Variants in NTRK2 observed in about 807,000 individuals in gnomAD.
NTRK2 encodes BDNF/NT-3 growth factors receptor.
NTRK2 carries 13 observed loss-of-function variants against 94.5 expected under a neutral mutation model. That is an observed-to-expected ratio of 0.14 (90% CI 0.09 to 0.22). The LOEUF is 0.22. NTRK2 is among the 10% of genes least tolerant of loss of function. The pLI is 1.00. For synonymous variants in NTRK2, 372 were observed against 407.4 expected (o/e 0.91, Z 1.05); for missense variants, 639 against 1,071.2 (o/e 0.60, Z 5.63).
At chr9:84,966,650 C>G (rs1274982930) in intron 17 of NTRK2, among the ~76,000 whole-genome samples, 2 of 152,092 alleles carry the variant, frequency 1.3e-5, no homozygotes, top group Non-Finnish European at 2.9e-5. Flanking sequence ...CCAGGCTGGT[C>G]TCGAACTCCT....
chr9:85,011,932 C>T (rs1276029817), intron 17 of NTRK2, among the ~76,000 whole-genome samples: 1 of 133,184 alleles, frequency 7.5e-6, no homozygotes. Flanking sequence ...CCCCACAGGA[C>T]TAGTGGAGAA....
intron 15 of NTRK2, among the ~76,000 whole-genome samples, chr9:84,936,858 G>C (rs976265403): frequency 3.3e-5 from 5 of 151,696 alleles, no homozygotes; most frequent in African/African-American, 1.2e-4. Flanking sequence ...CCTTACATGT[G>C]AATTTTTTTT....
intron 8 of NTRK2, among the ~76,000 whole-genome samples, chr9:84,725,206 A>T (rs1224269610): frequency 6.6e-6 from 1 of 152,132 alleles, no homozygotes; most frequent in East Asian, 1.9e-4. Context: ...ACCCATGGCC[A>T]TAGCTGGTAT....
intron 14 of NTRK2, among the ~76,000 whole-genome samples, chr9:84,895,810 G>A (rs1239763771): frequency 6.6e-6 from 1 of 152,202 alleles, no homozygotes; most frequent in East Asian, 1.9e-4. Context: ...CTTGCTTGCT[G>A]CATGGAGGGG....
At chr9:84,812,841 G>A in intron 12 of NTRK2, 2 of 1,036,438 alleles carry the variant, frequency 1.9e-6, no homozygotes, top group Non-Finnish European at 2.3e-6. Context: ...AAAATGGAGA[G>A]AAGTGGACAG....
chr9:84,885,819 G>A (rs569309834), intron 14 of NTRK2, among the ~76,000 whole-genome samples: 3 of 152,144 alleles, frequency 2.0e-5, no homozygotes, highest in South Asian at 2.1e-4. Context: ...TGAGGTCGAG[G>A]TCAGGAGTTC....
At position 84,955,385 on chromosome 9, in the gene NTRK2, G is replaced by C. The variant is rs763175850; in HGVS notation, c.2040G>C (p.Met680Ile). The change falls in exon 17 of 19, where the codon ATG becomes ATC. Residue 680 changes from methionine (M) to isoleucine (I), a missense_variant. This residue lies in a region of NTRK2 where 343 missense variants were observed against 571.5 expected (regional missense o/e 0.60). Transcript: ENST00000277120. ...TAGCCCAGCAGATCGCCGCGGGCAT[G>C]GTCTACCTGGCGTCCCAGCACTTCG... Reference protein sequence around the residue: ...LHIAQQIAAGMVYLASQHFVH... With the variant: ...LHIAQQIAAGIVYLASQHFVH... 1 of 1,614,154 alleles carries C rather than the reference G, an allele frequency of 6.2e-7. No homozygotes were observed. The highest frequency in any genetic ancestry group is 2.2e-5 in the East Asian group (1 of 44,874).
At chr9:84,738,025 C>T (rs534267270) in intron 9 of NTRK2, among the ~76,000 whole-genome samples, 1 of 151,552 alleles carries the variant, frequency 6.6e-6, no homozygotes, top group East Asian at 1.9e-4. Flanking sequence ...GGAGTTGCAG[C>T]TTACATCCCA....
At chr9:84,787,852 G>C (rs765496918) in intron 12 of NTRK2, among the ~76,000 whole-genome samples, 2 of 152,160 alleles carry the variant, frequency 1.3e-5, no homozygotes, top group Non-Finnish European at 2.9e-5. Context: ...TAACTTACCA[G>C]TGAAGAGCAG....
intron 12 of NTRK2, chr9:84,812,073 A>G: frequency 9.4e-7 from 1 of 1,060,262 alleles, no homozygotes; most frequent in Non-Finnish European, 1.1e-6. Flanking sequence ...TTTTTTGGAA[A>G]TAGTTGCACA....
chr9:84,804,340 A>G (rs572962319), intron 12 of NTRK2, among the ~76,000 whole-genome samples: 1 of 152,042 alleles, frequency 6.6e-6, no homozygotes, highest in East Asian at 1.9e-4. Context: ...CTCCCCCACA[A>G]TCATTATCGT....
intron 12 of NTRK2, among the ~76,000 whole-genome samples, chr9:84,823,580 G>T (rs1180897663): frequency 6.6e-6 from 1 of 152,228 alleles, no homozygotes; most frequent in East Asian, 1.9e-4. Context: ...ACAGTCCTGG[G>T]CGTCAGTAGC....
chr9:84,845,667 A>C (rs945823274), intron 12 of NTRK2, among the ~76,000 whole-genome samples: 1 of 152,204 alleles, frequency 6.6e-6, no homozygotes, highest in Non-Finnish European at 1.5e-5. Context: ...GTAACATAGG[A>C]ATGAAAAACC....
At chr9:84,835,984 G>A (rs146733535) in intron 12 of NTRK2, among the ~76,000 whole-genome samples, 61 of 152,262 alleles carry the variant, frequency 4.0e-4, no homozygotes, top group African/African-American at 1.3e-3. Flanking sequence ...GGCATGGCTC[G>A]TGTATTGTGC....
intron 14 of NTRK2, among the ~76,000 whole-genome samples, chr9:84,871,431 G>A (rs1037391810): frequency 4.1e-4 from 62 of 152,156 alleles, no homozygotes; most frequent in African/African-American, 1.4e-3. Context: ...TACCACCTGG[G>A]TGTGATACTC....
At chr9:85,019,154 A>C (rs1461617660) in intron 17 of NTRK2, among the ~76,000 whole-genome samples, 1 of 152,170 alleles carries the variant, frequency 6.6e-6, no homozygotes, top group Non-Finnish European at 1.5e-5. Flanking sequence ...TCCTTTAATA[A>C]ATACTAACTG....
intron 12 of NTRK2, among the ~76,000 whole-genome samples, chr9:84,770,153 AACACACAC>A (rs35363257): frequency 0.014 from 1,896 of 137,032 alleles, 46 homozygotes; most frequent in African/African-American, 0.05. Flanking sequence ...TGTGCATGAG[AACACACAC>A]ACACACACAC....
chr9:84,923,381 T>C (rs1376456254), intron 14 of NTRK2, among the ~76,000 whole-genome samples: 1 of 152,228 alleles, frequency 6.6e-6, no homozygotes, highest in Non-Finnish European at 1.5e-5. Context: ...TTGTCATTGA[T>C]ATATTTCTCT....
intron 9 of NTRK2, among the ~76,000 whole-genome samples, chr9:84,731,483 A>G (rs762878961): frequency 3.9e-5 from 6 of 152,196 alleles, no homozygotes; most frequent in South Asian, 2.1e-4. Context: ...TAAGATTTCC[A>G]TGGGATGGTC....
Sources: allele counts gnomAD v4.1 joint callset (sites outside exome capture counted in the v4.1 genomes callset), GRCh38; gene constraint gnomAD v4.1.1; regional missense constraint gnomAD v4.1.1; transcripts MANE v1.5; gene names NCBI Gene and HGNC (gene_info 2026-07-23, HGNC 2026-07-21).